The following RALYL variants were observed in gnomAD, a reference collection of about 807,000 sequenced individuals.
RALYL encodes the protein RALY RNA binding protein like, also known as RNA-binding Raly-like protein.
In RALYL, 29 loss-of-function variants were observed where a neutral mutation model predicts 35.1. The ratio of observed to expected loss-of-function variants is 0.83; its 90% CI spans 0.61 to 1.13. RALYL has a LOEUF of 1.13. Ranked by LOEUF, RALYL falls within the 50% of genes most tolerant of loss-of-function variation. The pLI is 0.00. For synonymous variants in RALYL, 120 were observed against 127.6 expected (o/e 0.94, Z 0.40); for missense variants, 359 against 360.4 (o/e 1.00, Z 0.03).
At chr8:84,389,147 A>G (rs997067452) in intron 1 of RALYL, among the ~76,000 whole-genome samples, 8 of 152,104 alleles carry the variant, frequency 5.3e-5, no homozygotes, top group African/African-American at 1.9e-4. Flanking sequence ...AAGATCAGAT[A>G]GTTGTAGATA....
chr8:84,687,911 C>G (rs1384053548), intron 2 of RALYL, among the ~76,000 whole-genome samples: 1 of 151,944 alleles, frequency 6.6e-6, no homozygotes, highest in East Asian at 1.9e-4. Context: ...TCCCATCCAC[C>G]TTTTTGCTCA....
At chr8:84,563,578 T>C (rs187144171) in intron 2 of RALYL, among the ~76,000 whole-genome samples, 133 of 151,868 alleles carry the variant, frequency 8.8e-4, no homozygotes, top group Admixed American at 3.6e-3. Context: ...TTTTTTTTTT[T>C]TTAAATTACC....
intron 1 of RALYL, among the ~76,000 whole-genome samples, chr8:84,459,306 T>C (rs770992351): frequency 5.9e-5 from 9 of 151,712 alleles, no homozygotes; most frequent in Non-Finnish European, 1.3e-4. Flanking sequence ...GAGTTGAAAC[T>C]TGAAGAACTA....
At chr8:84,718,873 G>C (rs1324247570) in intron 2 of RALYL, among the ~76,000 whole-genome samples, 1 of 152,102 alleles carries the variant, frequency 6.6e-6, no homozygotes, top group Non-Finnish European at 1.5e-5. Context: ...TTCATTTGTT[G>C]ACATCTCACC....
At chr8:84,538,665 A>G (rs1416644459) in intron 2 of RALYL, among the ~76,000 whole-genome samples, 1 of 152,208 alleles carries the variant, frequency 6.6e-6, no homozygotes, top group Non-Finnish European at 1.5e-5. Flanking sequence ...AAATATTTAT[A>G]CATAAGATAA....
At chr8:84,760,943 G>A (rs550998917) in intron 2 of RALYL, among the ~76,000 whole-genome samples, 6 of 152,000 alleles carry the variant, frequency 3.9e-5, no homozygotes, top group Non-Finnish European at 7.4e-5. Context: ...ATCTACATTT[G>A]CTGAGACATT....
chr8:84,662,292 C>G (rs1831089304), intron 2 of RALYL, among the ~76,000 whole-genome samples: 1 of 152,110 alleles, frequency 6.6e-6, no homozygotes, highest in Non-Finnish European at 1.5e-5. Context: ...CCTTCTTGCA[C>G]TCTACCACAC....
At chr8:84,847,548 G>A (rs148371265) in intron 4 of RALYL, among the ~76,000 whole-genome samples, 41 of 152,140 alleles carry the variant, frequency 2.7e-4, no homozygotes, top group African/African-American at 8.7e-4. Context: ...ATCTCCTGAG[G>A]TGACATTTAC....
intron 1 of RALYL, among the ~76,000 whole-genome samples, chr8:84,300,383 G>T (rs1034518336): frequency 6.6e-5 from 10 of 151,740 alleles, no homozygotes; most frequent in Non-Finnish European, 1.2e-4. Flanking sequence ...TAGAGTATGT[G>T]CCATTTACAA....
chr8:84,367,318 ATTTTTTTTTTTTTT>A (rs56387511), intron 1 of RALYL, among the ~76,000 whole-genome samples: 902 of 27,408 alleles, frequency 0.033, 151 homozygotes, highest in Admixed American at 0.057. Flanking sequence ...TAATTTTTGT[ATTTTTTTTTTTTTT>A]TTTTTTTTTT....
At chr8:84,676,945 G>A (rs1473891856) in intron 2 of RALYL, among the ~76,000 whole-genome samples, 2 of 152,024 alleles carry the variant, frequency 1.3e-5, no homozygotes, top group Non-Finnish European at 2.9e-5. Context: ...AGGACTACAG[G>A]CACATGCCAC....
intron 1 of RALYL, among the ~76,000 whole-genome samples, chr8:84,214,320 C>G (rs1233296496): frequency 3.3e-5 from 5 of 152,004 alleles, no homozygotes; most frequent in Admixed American, 1.3e-4. Context: ...TATGGTCAAA[C>G]TATTTCTGAT....
intron 5 of RALYL, among the ~76,000 whole-genome samples, chr8:84,857,801 G>T (rs1837353156): frequency 6.6e-6 from 1 of 152,112 alleles, no homozygotes; most frequent in South Asian, 2.1e-4. Flanking sequence ...ACAGATTAAA[G>T]AATTATAGTA....
At chr8:84,813,981 T>A (rs1262375677) in intron 4 of RALYL, among the ~76,000 whole-genome samples, 8 of 148,272 alleles carry the variant, frequency 5.4e-5, no homozygotes, top group African/African-American at 2.0e-4. Flanking sequence ...TTCCCACCTA[T>A]GAGTGAGAAC....
chr8:84,544,699 C>T (rs976701473), intron 2 of RALYL, among the ~76,000 whole-genome samples: 1 of 151,966 alleles, frequency 6.6e-6, no homozygotes, highest in Admixed American at 6.6e-5. Flanking sequence ...ATAGTAAGAA[C>T]ATATTACATT....
chr8:84,573,820 C>T (rs1808647412), intron 2 of RALYL, among the ~76,000 whole-genome samples: 1 of 151,902 alleles, frequency 6.6e-6, no homozygotes, highest in African/African-American at 2.4e-5. Flanking sequence ...GAATTCTTCA[C>T]TTCTGATAAT....
intron 8 of RALYL, among the ~76,000 whole-genome samples, chr8:84,912,876 G>C (rs565533166): frequency 2.7e-4 from 41 of 152,034 alleles, no homozygotes; most frequent in East Asian, 5.8e-4. Flanking sequence ...GTAAGACCCT[G>C]GTCAAGTGAC....
At chr8:84,618,889 T>C (rs1250667383) in intron 2 of RALYL, among the ~76,000 whole-genome samples, 3 of 112,052 alleles carry the variant, frequency 2.7e-5, no homozygotes, top group Admixed American at 9.5e-5. Flanking sequence ...TCAGTTTCCA[T>C]GTAGTTGAGC....
At chr8:84,854,811 T>C (rs1211521327) in intron 5 of RALYL, among the ~76,000 whole-genome samples, 1 of 152,184 alleles carries the variant, frequency 6.6e-6, no homozygotes, top group East Asian at 1.9e-4. Flanking sequence ...GAAATTGCTG[T>C]AGAAAAAGAG....
Sources: gnomAD v4.1 joint callset for allele counts (sites outside exome capture counted in the v4.1 genomes callset) on GRCh38, gnomAD v4.1.1 for gene constraint, MANE v1.5 for transcripts, NCBI Gene and HGNC (gene_info 2026-07-23, HGNC 2026-07-21) for gene names.